The following NXPE2 variants were observed in gnomAD, a reference collection of about 807,000 sequenced individuals.
NXPE2 encodes NXPE family member 2.
In NXPE2, 34 loss-of-function variants were observed where a neutral mutation model predicts 34.4. The ratio of observed to expected loss-of-function variants is 0.99; its 90% confidence interval spans 0.75 to 1.31. The LOEUF (loss-of-function observed/expected upper bound fraction) is 1.31. Ranked by LOEUF, NXPE2 falls within the 40% of genes most tolerant of loss-of-function variation. NXPE2 has a pLI of 0.00. For synonymous variants in NXPE2, 235 were observed against 231.3 expected (o/e 1.02, Z -0.15); for missense variants, 649 against 672.5 (o/e 0.97, Z 0.39).
At chr11:114,762,775 A>G in the NXPE2 span, among the ~76,000 whole-genome samples, 1 of 152,148 alleles carries the variant, frequency 6.6e-6, no homozygotes, top group African/African-American at 2.4e-5. Context: ...TTTGTTTTCT[A>G]TGATATTTCT....
chr11:114,495,478 C>A, the NXPE2 span, among the ~76,000 whole-genome samples: 3 of 151,814 alleles, frequency 2.0e-5, no homozygotes, highest in Admixed American at 6.6e-5. Context: ...GCCGCCCCTA[C>A]CCCAGGAGCC....
chr11:114,664,811 TC>T, the NXPE2 span, among the ~76,000 whole-genome samples: 1 of 152,150 alleles, frequency 6.6e-6, no homozygotes, highest in Non-Finnish European at 1.5e-5. Flanking sequence ...GCAGAGAGCC[TC>T]AGCTCCCAGT....
chr11:114,737,759 T>A, the NXPE2 span, among the ~76,000 whole-genome samples: 1 of 151,988 alleles, frequency 6.6e-6, no homozygotes, highest in Non-Finnish European at 1.5e-5. Context: ...AGGTTGAGGA[T>A]CAAAAGACTG....
chr11:114,702,958 T>C lies in NXPE2; in HGVS notation c.867-1033T>C, dbSNP rs1455891166. ...CTGTGGCTCTGGCTCTGAAAGGGCC[T>C]ACCTTCCCCCAGATGGATTTCATTC... On this transcript the variant is annotated intron_variant, in intron 3 of 5. Coordinates refer to ENST00000389586, the MANE Select transcript of NXPE2 (RefSeq NM_182495.6). Among the ~76,000 whole-genome samples, 4 of 152,318 alleles carry C rather than the reference T, an allele frequency of 2.6e-5. No homozygotes were observed. The South Asian group carries it at 8.3e-4, about 32-fold the overall frequency.
the NXPE2 span, among the ~76,000 whole-genome samples, chr11:114,563,662 A>G: frequency 6.6e-6 from 1 of 152,220 alleles, no homozygotes; most frequent in Non-Finnish European, 1.5e-5. Flanking sequence ...TGGGCTAAGG[A>G]CATGAATAGA....
Position 114,698,197 on chromosome 11 carries a change from C to T in NXPE2, c.285C>T (p.Ile95=). ...TTATGGAGAAACTAGACCAGCAGAT[C>T]CCACCCAGACCTTTCACCCATGTGA... ...KDIMEKLDQQ[I]PPRPFTHVNT... Residue 95 remains isoleucine, a synonymous_variant, in exon 3 of 6, where the codon ATC becomes ATT. Transcript: ENST00000389586. 5 of 1,614,152 alleles carry T rather than the reference C, an allele frequency of 3.1e-6. No individual in the cohort carries two copies. The highest frequency in any genetic ancestry group is 4.2e-6 in the Non-Finnish European group (5 of 1,179,996).
the NXPE2 span, among the ~76,000 whole-genome samples, chr11:114,748,496 C>T: frequency 6.6e-6 from 1 of 152,218 alleles, no homozygotes; most frequent in East Asian, 1.9e-4. Context: ...CAGAGTCCCT[C>T]ACTCTGGCCC....
the NXPE2 span, among the ~76,000 whole-genome samples, chr11:114,472,518 AG>A: frequency 6.6e-6 from 1 of 152,342 alleles, no homozygotes; most frequent in Admixed American, 6.5e-5. Flanking sequence ...CTTGTTCTAA[AG>A]AATGATGAGA....
chr11:114,721,790 A>G, the NXPE2 span, among the ~76,000 whole-genome samples: 1 of 152,212 alleles, frequency 6.6e-6, no homozygotes, highest in Non-Finnish European at 1.5e-5. Flanking sequence ...TGTCAAAATC[A>G]TAACAATGGC....
the NXPE2 span, among the ~76,000 whole-genome samples, chr11:114,548,961 C>T: frequency 6.6e-6 from 1 of 151,778 alleles, no homozygotes; most frequent in African/African-American, 2.4e-5. Context: ...AATTAGACAT[C>T]TTTGAGGGAA....
chr11:114,702,310 G>C (rs949597388), intron 3 of NXPE2, among the ~76,000 whole-genome samples: 1 of 151,082 alleles, frequency 6.6e-6, no homozygotes, highest in Admixed American at 6.6e-5. Flanking sequence ...TTAATACATG[G>C]TTTTAATCCT....
the NXPE2 span, chr11:114,527,769 A>G: frequency 9.8e-7 from 1 of 1,016,648 alleles, no homozygotes; most frequent in Non-Finnish European, 1.4e-6. Flanking sequence ...CAGGAGAACT[A>G]CAATTATTTA....
chr11:114,567,615 C>T, the NXPE2 span, among the ~76,000 whole-genome samples: 4 of 151,914 alleles, frequency 2.6e-5, no homozygotes, highest in African/African-American at 7.3e-5. Context: ...AAACTTTCCC[C>T]GTTTGGCCCA....
At chr11:114,530,859 G>A in the NXPE2 span, 67 of 1,613,646 alleles carry the variant, frequency 4.2e-5, 1 homozygote, top group South Asian at 4.6e-4. Flanking sequence ...GGACTTTGCG[G>A]AGTTGTTCCA....
the NXPE2 span, among the ~76,000 whole-genome samples, chr11:114,775,612 C>T: frequency 6.6e-6 from 1 of 152,180 alleles, no homozygotes; most frequent in South Asian, 2.1e-4. Flanking sequence ...GTGTCCCCCA[C>T]GTGGGAATGA....
At chr11:114,616,843 A>G in the NXPE2 span, among the ~76,000 whole-genome samples, 1 of 151,830 alleles carries the variant, frequency 6.6e-6, no homozygotes, top group Non-Finnish European at 1.5e-5. Context: ...TACCCAGTAG[A>G]TAATAAATAT....
In NXPE2 at chr11:114,679,711, AT is replaced by A; in HGVS notation, c.84del (p.Phe28LeufsTer3). On this transcript the variant is annotated frameshift_variant, in exon 2 of 6. Transcript: ENST00000389586. LOFTEE classifies it high-confidence loss of function. ...IARKLLLMLT[F>X]ILIFWIIYLA... is the part of the protein sequence containing the mutation. ...CTCGAAAATTACTGCTGATGTTGAC[AT>A]TTATCTTAATTTTCTGGATCATTTA... is the stretch of plus-strand genomic sequence containing the variant. The A allele has an allele frequency of 6.4e-7, 1 of 1,550,488 alleles. No homozygotes were observed. Among genetic ancestry groups the A allele is most frequent in the Non-Finnish European group, 8.7e-7 (1 of 1,146,128 alleles).
chr11:114,481,866 C>G, the NXPE2 span, among the ~76,000 whole-genome samples: 2,378 of 152,184 alleles, frequency 0.016, 45 homozygotes, highest in African/African-American at 0.051. Context: ...CCCTCATAAG[C>G]AATATTCAAC....
chr11:114,638,317 G>T, the NXPE2 span, among the ~76,000 whole-genome samples: 1 of 151,868 alleles, frequency 6.6e-6, no homozygotes. Context: ...AGCTCCATCA[G>T]CTCCTTTAAG....
Sources: allele counts gnomAD v4.1 joint callset (sites outside exome capture counted in the v4.1 genomes callset), GRCh38; gene constraint gnomAD v4.1.1; transcripts MANE v1.5; gene names NCBI Gene and HGNC (gene_info 2026-07-23, HGNC 2026-07-21).